The following CNR2 variants were observed in gnomAD, a reference collection of about 807,000 sequenced individuals.
The protein encoded by CNR2 is cannabinoid receptor 2 (macrophage).
For missense variants in CNR2, 379 were observed against 439.9 expected (o/e 0.86, Z 1.24); for synonymous variants, 172 against 182.2 (o/e 0.94, Z 0.45).
At chr1:23,900,070 C>A (rs544024777) in intron 1 of CNR2, among the ~76,000 whole-genome samples, 4 of 151,202 alleles carry the variant, frequency 2.6e-5, no homozygotes, top group East Asian at 2.0e-4. Context: ...ACTGCTCCTG[C>A]GATCAGTGCT....
intron 1 of CNR2, among the ~76,000 whole-genome samples, chr1:23,899,921 G>GAGAA (rs1168612479): frequency 1.9e-5 from 2 of 105,792 alleles, no homozygotes; most frequent in African/African-American, 8.4e-5. Flanking sequence ...AAGAAAGAAA[G>GAGAA]AGAAAGAAAG....
intron 1 of CNR2, among the ~76,000 whole-genome samples, chr1:23,886,596 A>C (rs1382602571): frequency 6.6e-6 from 1 of 152,244 alleles, no homozygotes; most frequent in Non-Finnish European, 1.5e-5. Flanking sequence ...TGGATTCTAC[A>C]TGGAGTAAGC....
At chr1:23,907,580 G>A (rs879273206) in intron 1 of CNR2, among the ~76,000 whole-genome samples, 5 of 149,752 alleles carry the variant, frequency 3.3e-5, no homozygotes, top group African/African-American at 4.9e-5. Flanking sequence ...AACCTCTGCC[G>A]CCCGGGTTCA....
At chr1:23,876,018 G>GAT (rs1639868489) in intron 1 of CNR2, among the ~76,000 whole-genome samples, 1 of 152,074 alleles carries the variant, frequency 6.6e-6, no homozygotes, top group Non-Finnish European at 1.5e-5. Context: ...AATCTAGAGT[G>GAT]ATAAGGTTGA....
chr1:23,879,623 A>G (rs1557523626), intron 1 of CNR2, among the ~76,000 whole-genome samples: 1 of 152,234 alleles, frequency 6.6e-6, no homozygotes, highest in Non-Finnish European at 1.5e-5. Flanking sequence ...AAACAAAAAC[A>G]AAAACAAAGT....
rs1001003602 is a variant in CNR2, at chr1:23,910,776, G to C, written c.-46+2470C>G. 4.0e-5 allele frequency among the ~76,000 whole-genome samples: 6 copies of C among 151,698 alleles called. No homozygotes were observed. In the South Asian group the frequency reaches 1.2e-3, roughly 32 times the overall value. ...GAATGCTATGATAGCGTCATTTTTAGAGTTGAAGAAACTGAGGTTCAGAAA... is the reference window on the plus strand; with the variant it reads ...GAATGCTATGATAGCGTCATTTTTACAGTTGAAGAAACTGAGGTTCAGAAA... On this transcript the variant is annotated intron_variant, in intron 1 of 1. Coordinates refer to ENST00000374472, the MANE Select transcript of CNR2 (RefSeq NM_001841.3).
chr1:23,902,201 C>A, intron 1 of CNR2: 1 of 1,355,576 alleles, frequency 7.4e-7, no homozygotes. Context: ...AAGACCACCG[C>A]CTCCTGGTGT....
intron 1 of CNR2, among the ~76,000 whole-genome samples, chr1:23,898,329 G>T (rs1475156781): frequency 1.9e-5 from 2 of 105,418 alleles, no homozygotes; most frequent in Admixed American, 1.2e-4. Context: ...GAGCCACCGC[G>T]CCCGGCTTTT....
intron 1 of CNR2, among the ~76,000 whole-genome samples, chr1:23,909,482 G>A (rs972583578): frequency 6.6e-6 from 1 of 152,112 alleles, no homozygotes; most frequent in African/African-American, 2.4e-5. Flanking sequence ...GGGAGAGAAA[G>A]AGAATTGCCT....
In CNR2 at chr1:23,901,952, G is replaced by A. The variant is rs1640407178; in HGVS notation, c.-46+11294C>T. On this transcript the variant is annotated intron_variant, in intron 1 of 1. Coordinates refer to ENST00000374472, the MANE Select transcript of CNR2 (RefSeq NM_001841.3). ...GGTGAGGCCCTTCCTCTTGATCAGGGGGAAGTCCAGGCGGGGCTTGTTGGT... is the reference window on the plus strand; with the variant it reads ...GGTGAGGCCCTTCCTCTTGATCAGGAGGAAGTCCAGGCGGGGCTTGTTGGT... The A allele has an allele frequency of 5.6e-6, 9 of 1,603,712 alleles. No individual in the cohort carries two copies. The Middle Eastern group carries it at 6.6e-4, about 118-fold the overall frequency.
At chr1:23,901,275 C>T (rs535660250) in intron 1 of CNR2, among the ~76,000 whole-genome samples, 1 of 152,166 alleles carries the variant, frequency 6.6e-6, no homozygotes, top group South Asian at 2.1e-4. Context: ...CCCCAGTGTA[C>T]CAGAGATGCC....
At chr1:23,891,945 T>A (rs1433077527) in intron 1 of CNR2, among the ~76,000 whole-genome samples, 1 of 152,096 alleles carries the variant, frequency 6.6e-6, no homozygotes. Context: ...AGCAAAACAG[T>A]CTTGGGGAGA....
At chr1:23,887,182 C>T (rs1640107372) in intron 1 of CNR2, among the ~76,000 whole-genome samples, 1 of 152,188 alleles carries the variant, frequency 6.6e-6, no homozygotes. Context: ...GGTGCCAGCT[C>T]ACCTCTCCAC....
Position 23,912,911 on chromosome 1 carries a change from A to G in CNR2, c.-46+335T>C, listed in dbSNP as rs545903158. Among the ~76,000 whole-genome samples the G allele has an allele frequency of 4.6e-5, 7 of 152,330 alleles. 1 individual carries two copies. The East Asian group carries it at 1.4e-3, about 29-fold the overall frequency. On this transcript the variant is annotated intron_variant, in intron 1 of 1. Transcript: ENST00000374472. Reference sequence around the variant, plus strand: ...GCCAGGTGCAGTGGCTCATGCCTGTAATCCCAGCACTTTGGGAGGCCAAGG... The same window carrying G: ...GCCAGGTGCAGTGGCTCATGCCTGTGATCCCAGCACTTTGGGAGGCCAAGG...
At chr1:23,892,122 A>C (rs1284266708) in intron 1 of CNR2, among the ~76,000 whole-genome samples, 3 of 152,202 alleles carry the variant, frequency 2.0e-5, no homozygotes, top group African/African-American at 4.8e-5. Flanking sequence ...ACTTGCAGAA[A>C]GAGGTTGGAA....
chr1:23,893,215 C>T (rs1640218380), intron 1 of CNR2, among the ~76,000 whole-genome samples: 1 of 152,206 alleles, frequency 6.6e-6, no homozygotes, highest in South Asian at 2.1e-4. Flanking sequence ...TCTGGATTCA[C>T]TCAGTCTCCC....
In CNR2 at chr1:23,875,306, A is replaced by G. The variant is rs1166370305; in HGVS notation, c.312T>C (p.Ala104=). 4 of 1,614,230 alleles carry G rather than the reference A, an allele frequency of 2.5e-6. No individual in the cohort carries two copies. The highest frequency in any genetic ancestry group is 3.4e-6 in the Non-Finnish European group (4 of 1,180,040). The change falls in exon 2 of 2, where the codon GCT becomes GCC. Residue 104 remains alanine (A), a synonymous_variant. Transcript: ENST00000374472. The part of the protein sequence containing the change: ...FHVFHGVDSK[A]VFLLKIGSVT... ...CGCTGCCAATCTTCAGCAGGAAGACAGCCTTGGAATCCACACCATGGAAAA... is the reference window on the plus strand; with the variant it reads ...CGCTGCCAATCTTCAGCAGGAAGACGGCCTTGGAATCCACACCATGGAAAA...
chr1:23,902,808 C>A, intron 1 of CNR2: 1 of 1,420,236 alleles, frequency 7.0e-7, no homozygotes. Context: ...GGCGCGGGGG[C>A]GCGGTGCAGG....
chr1:23,874,956 G>A lies in CNR2; in HGVS notation c.662C>T (p.Ala221Val). Residue 221 changes from alanine (A) to valine (V), a missense_variant, in exon 2 of 2, where the codon GCC becomes GTC. By Grantham distance (64) the Ala-to-Val change is moderately conservative (BLOSUM62 0). Coordinates refer to ENST00000374472, the MANE Select transcript of CNR2 (RefSeq NM_001841.3). ...HVLWKAHQHV[A>V]SLSGHQDRQV... ...CCTGTCCTGGTGGCCAGACAAGCTG[G>A]CCACATGCTGATGGGCCTTCCAGAG... 1.2e-6 allele frequency: 2 copies of A among 1,611,246 alleles called. No homozygotes were observed. The highest frequency in any genetic ancestry group is 1.3e-5 in the African/African-American group (1 of 75,000).
Sources: allele counts gnomAD v4.1 joint callset (sites outside exome capture counted in the v4.1 genomes callset), GRCh38; gene constraint gnomAD v4.1.1; transcripts MANE v1.5; gene names NCBI Gene and HGNC (gene_info 2026-07-23, HGNC 2026-07-21).